TSHZ3: variants seen among roughly 807,000 people sequenced by gnomAD.
The protein encoded by TSHZ3 is teashirt homolog 3.
TSHZ3 carries 10 observed loss-of-function variants against 64.5 expected under a neutral mutation model. That is an observed-to-expected ratio of 0.16 (90% CI 0.10 to 0.26). The LOEUF is 0.26. Among genes scored for constraint, TSHZ3 ranks in the 10% least tolerant of loss-of-function variants. The pLI, the probability that TSHZ3 is intolerant of heterozygous loss-of-function variation, is 1.00. For synonymous variants in TSHZ3, 608 were observed against 593.1 expected (o/e 1.03, Z -0.36); for missense variants, 1,242 against 1,421.7 (o/e 0.87, Z 2.03).
At chr19:31,303,854 A>G (rs1362999063) in intron 1 of TSHZ3, among the ~76,000 whole-genome samples, 1 of 152,220 alleles carries the variant, frequency 6.6e-6, no homozygotes. Context: ...TTCAAAATAA[A>G]TGCTAGCTAC....
intron 4 of TSHZ3, among the ~76,000 whole-genome samples, chr19:31,214,157 T>C (rs1414601233): frequency 6.6e-6 from 1 of 152,238 alleles, no homozygotes; most frequent in Non-Finnish European, 1.5e-5. Context: ...CGCTTCCGGC[T>C]GGTTGTTCCA....
intron 3 of TSHZ3, among the ~76,000 whole-genome samples, chr19:31,230,637 A>G (rs1294911140): frequency 6.7e-6 from 1 of 149,588 alleles, no homozygotes; most frequent in Non-Finnish European, 1.5e-5. Flanking sequence ...CCCACCTCTC[A>G]GGGCCACGGT....
chr19:31,248,510 CAAA>C (rs969686792), intron 1 of TSHZ3, among the ~76,000 whole-genome samples: 1 of 151,882 alleles, frequency 6.6e-6, no homozygotes, highest in Non-Finnish European at 1.5e-5. Context: ...ACAGAATACT[CAAA>C]ACTCTGGGTC....
At chr19:31,292,571 G>A (rs1383667662) in intron 1 of TSHZ3, among the ~76,000 whole-genome samples, 2 of 152,120 alleles carry the variant, frequency 1.3e-5, no homozygotes, top group East Asian at 3.9e-4. Context: ...CATGAGATGG[G>A]AGTTAAGATT....
At chr19:31,185,242 C>T (rs563260207) in intron 5 of TSHZ3, among the ~76,000 whole-genome samples, 19 of 152,298 alleles carry the variant, frequency 1.2e-4, no homozygotes, top group African/African-American at 4.6e-4. Flanking sequence ...GGGCCTCCTC[C>T]GGAGCTGGGC....
chr19:31,295,310 G>A (rs937166517), intron 1 of TSHZ3, among the ~76,000 whole-genome samples: 4 of 152,170 alleles, frequency 2.6e-5, no homozygotes, highest in Non-Finnish European at 5.9e-5. Context: ...CCTAGATCTA[G>A]ACCCATTAGA....
intron 1 of TSHZ3, among the ~76,000 whole-genome samples, chr19:31,286,411 G>A (rs1309498689): frequency 6.6e-6 from 1 of 152,226 alleles, no homozygotes; most frequent in Non-Finnish European, 1.5e-5. Context: ...CACGGATCCT[G>A]CCTAATATGA....
At chr19:31,259,331 GA>G (rs1397808812) in intron 1 of TSHZ3, among the ~76,000 whole-genome samples, 4 of 152,094 alleles carry the variant, frequency 2.6e-5, no homozygotes, top group African/African-American at 7.2e-5. Context: ...CATTTTTATA[GA>G]TTTTTTTGGT....
chr19:31,300,594 C>A (rs573069211), intron 1 of TSHZ3, among the ~76,000 whole-genome samples: 1 of 152,164 alleles, frequency 6.6e-6, no homozygotes, highest in African/African-American at 2.4e-5. Context: ...GCCTCTCTAA[C>A]GATGCACTCG....
At chr19:31,349,956 G>A (rs1423047759), upstream of TSHZ3, among the ~76,000 whole-genome samples, 2 of 146,142 alleles carry the variant, frequency 1.4e-5, no homozygotes, top group Admixed American at 1.3e-4. Context: ...CCAGCGAAAG[G>A]GGTGCCGCCC....
At chr19:31,178,492 C>T (rs1974647866) in intron 5 of TSHZ3, among the ~76,000 whole-genome samples, 1 of 152,122 alleles carries the variant, frequency 6.6e-6, no homozygotes, top group Non-Finnish European at 1.5e-5. Flanking sequence ...CCAGCTTGGC[C>T]AACACGTTGA....
At chr19:31,162,087 G>T (rs1312073978) in intron 5 of TSHZ3, among the ~76,000 whole-genome samples, 1 of 152,168 alleles carries the variant, frequency 6.6e-6, no homozygotes, top group Non-Finnish European at 1.5e-5. Flanking sequence ...TGCATAATTA[G>T]GTGGTGAAGC....
chr19:31,271,115 A>C (rs565723646), downstream of TSHZ3, among the ~76,000 whole-genome samples: 1 of 152,308 alleles, frequency 6.6e-6, no homozygotes, highest in South Asian at 2.1e-4. Context: ...GTACGGCTCC[A>C]GCCTTCATGG....
At chr19:31,344,282 G>A (rs1043234875) in intron 1 of TSHZ3, among the ~76,000 whole-genome samples, 4 of 152,164 alleles carry the variant, frequency 2.6e-5, no homozygotes, top group Admixed American at 6.5e-5. Context: ...TGGGCTTTGA[G>A]GGTGATGCTA....
chr19:31,281,173 G>T (rs532289085), intron 1 of TSHZ3, among the ~76,000 whole-genome samples: 5 of 152,114 alleles, frequency 3.3e-5, no homozygotes, highest in Admixed American at 6.5e-5. Context: ...TTGTGGAATT[G>T]ACTCCACCAG....
At chr19:31,349,016 C>G in intron 1 of TSHZ3, 164 bp downstream of exon 1, 1 of 857,040 alleles carries the variant, frequency 1.2e-6, no homozygotes, top group Non-Finnish European at 1.7e-6. Context: ...GGGGGGCGCC[C>G]GGTACCCGAG....
At chr19:31,234,412 G>C (rs1975580254) in intron 3 of TSHZ3, among the ~76,000 whole-genome samples, 1 of 152,132 alleles carries the variant, frequency 6.6e-6, no homozygotes, top group African/African-American at 2.4e-5. Flanking sequence ...ATCCAGTACA[G>C]TATTTATGGG....
intron 3 of TSHZ3, among the ~76,000 whole-genome samples, chr19:31,235,699 CTTTTTTTTT>C (rs34677399): frequency 6.7e-5 from 4 of 59,570 alleles, no homozygotes; most frequent in Non-Finnish European, 1.3e-4. Flanking sequence ...TCCTCTTCTT[CTTTTTTTTT>C]TTTTTTTTTT....
chr19:31,225,490 T>G (rs1160186040), intron 4 of TSHZ3, among the ~76,000 whole-genome samples: 1 of 152,192 alleles, frequency 6.6e-6, no homozygotes, highest in Admixed American at 6.5e-5. Context: ...TCTTATGGCC[T>G]CAAACCCCAA....
Sources: allele counts gnomAD v4.1 joint callset (sites outside exome capture counted in the v4.1 genomes callset), GRCh38; gene constraint gnomAD v4.1.1; transcripts MANE v1.5; gene names NCBI Gene and HGNC (gene_info 2026-07-23, HGNC 2026-07-21).